Variants in RELN observed in about 807,000 individuals in gnomAD.
RELN encodes the protein reelin.
In RELN, 108 loss-of-function variants were observed where a neutral mutation model predicts 427.6. The observed-to-expected ratio is 0.25, with a 90% confidence interval of 0.22 to 0.30. The LOEUF (loss-of-function observed/expected upper bound fraction) is 0.30, where lower values mean the gene tolerates loss of function less well. Among genes scored for constraint, RELN ranks in the 10% least tolerant of loss-of-function variants. The pLI is 1.00. For missense variants in RELN, 3,715 were observed against 4,302.8 expected (o/e 0.86, Z 3.82); for synonymous variants, 1,524 against 1,513.4 (o/e 1.01, Z -0.16).
intron 20 of RELN, among the ~76,000 whole-genome samples, chr7:103,612,705 G>A (rs1242795741): frequency 1.3e-5 from 2 of 152,120 alleles, no homozygotes; most frequent in Admixed American, 1.3e-4. Flanking sequence ...TTTTCAAATG[G>A]CCTTTACTGA....
rs569925474 is a variant in RELN at position 103,883,759 on chromosome 7, A to C, written c.337+33316T>G. Among the ~76,000 whole-genome samples the C allele has an allele frequency of 1.1e-3, 161 of 152,326 alleles. 2 individuals are homozygous for C. In the Middle Eastern group the frequency reaches 0.017, roughly 16 times the overall value. ...AAGGACCTTTTCAAGGAGAACAATA[A>C]AACACTGCTCAAGGAATAAGAGAGG... On this transcript the variant is annotated intron_variant, in intron 2 of 64. Transcript: ENST00000428762.
At chr7:103,587,065 G>C (rs2711869) in intron 28 of RELN, among the ~76,000 whole-genome samples, 39,454 of 151,900 alleles carry the variant, frequency 0.26, 6,173 homozygotes, top group African/African-American at 0.43. Flanking sequence ...AAAGGAGTCT[G>C]AAGAGCCAAA....
intron 31 of RELN, among the ~76,000 whole-genome samples, chr7:103,570,723 G>A (rs925896850): frequency 2.6e-4 from 39 of 152,132 alleles, no homozygotes; most frequent in African/African-American, 7.2e-4. Flanking sequence ...CAGAATCTAC[G>A]CAGCAGCCAC....
At chr7:103,665,559 C>T (rs1014269769) in intron 11 of RELN, among the ~76,000 whole-genome samples, 4 of 151,934 alleles carry the variant, frequency 2.6e-5, no homozygotes, top group South Asian at 2.1e-4. Context: ...GACAAGAATC[C>T]GATGTCTCTT....
intron 3 of RELN, among the ~76,000 whole-genome samples, chr7:103,825,720 T>C (rs264369): frequency 0.5 from 75,305 of 151,920 alleles, 18,973 homozygotes; most frequent in Admixed American, 0.6. Flanking sequence ...AAAATAGTCA[T>C]TAGCCATATG....
At chr7:103,475,926 T>A (rs180939634) in intron 64 of RELN, among the ~76,000 whole-genome samples, 1 of 152,148 alleles carries the variant, frequency 6.6e-6, no homozygotes, top group Non-Finnish European at 1.5e-5. Flanking sequence ...ATATTTCTAA[T>A]TTTTTTGGTA....
chr7:103,785,887 A>C (rs1446930200), intron 3 of RELN, among the ~76,000 whole-genome samples: 1 of 152,080 alleles, frequency 6.6e-6, no homozygotes, highest in East Asian at 1.9e-4. Context: ...ATAGGATTTA[A>C]GATCAAAAGC....
intron 2 of RELN, among the ~76,000 whole-genome samples, chr7:103,848,085 G>A (rs150352050): frequency 1.3e-5 from 2 of 152,278 alleles, no homozygotes; most frequent in East Asian, 3.9e-4. Flanking sequence ...CAATCTGGAG[G>A]TACAGTTAAA....
intron 1 of RELN, among the ~76,000 whole-genome samples, chr7:103,948,928 T>C (rs1796273578): frequency 6.9e-6 from 1 of 145,928 alleles, no homozygotes; most frequent in South Asian, 2.1e-4. Context: ...GGTAGGAGGA[T>C]CAATTGAGCC....
chr7:103,561,776 G>T (rs144275944), intron 35 of RELN, 37 bp downstream of exon 35: 6 of 1,613,740 alleles, frequency 3.7e-6, no homozygotes, highest in South Asian at 1.1e-5. Context: ...TTATTTTTGC[G>T]TTACAAAGAA....
chr7:103,959,611 CTCTT>C (rs142788767), intron 1 of RELN, among the ~76,000 whole-genome samples: 16,334 of 152,144 alleles, frequency 0.11, 1,004 homozygotes, highest in East Asian at 0.2. Context: ...CTCTCTCTCT[CTCTT>C]TTTTTCTTTT....
chr7:103,497,947 T>C (rs1377833982), intron 54 of RELN, 21 bp from the exon 55 acceptor site: 6 of 1,609,828 alleles, frequency 3.7e-6, no homozygotes, highest in Non-Finnish European at 4.3e-6. Context: ...GCACATTTTA[T>C]CCATCAGAAT....
At chr7:103,741,366 C>T (rs1422730992) in intron 6 of RELN, among the ~76,000 whole-genome samples, 2 of 151,688 alleles carry the variant, frequency 1.3e-5, no homozygotes, top group African/African-American at 4.8e-5. Context: ...AATATATATT[C>T]CATAGATTTT....
At chr7:103,560,597 T>C (rs1164844517) in intron 36 of RELN, among the ~76,000 whole-genome samples, 2 of 152,216 alleles carry the variant, frequency 1.3e-5, no homozygotes, top group Non-Finnish European at 2.9e-5. Flanking sequence ...TGTGAGCTAA[T>C]GGTAATGAGA....
intron 12 of RELN, among the ~76,000 whole-genome samples, chr7:103,659,721 G>C (rs1036066308): frequency 2.6e-5 from 4 of 152,048 alleles, no homozygotes; most frequent in Admixed American, 6.6e-5. Flanking sequence ...TTGTGGGTGG[G>C]AACTCAGATT....
At chr7:103,719,193 C>A (rs1026254017) in intron 8 of RELN, among the ~76,000 whole-genome samples, 4 of 152,134 alleles carry the variant, frequency 2.6e-5, no homozygotes, top group African/African-American at 9.7e-5. Context: ...CAGATAGATG[C>A]AACTTTATCT....
At chr7:103,650,216 A>G in intron 16 of RELN, 58 bp downstream of exon 16, 1 of 1,048,642 alleles carries the variant, frequency 9.5e-7, no homozygotes, top group Non-Finnish European at 1.5e-6. Context: ...CTGACGAACA[A>G]AAGCACAGGA....
In RELN at chr7:103,826,401, C is replaced by A. The variant is rs978189942; in HGVS notation, c.473+7136G>T. Among the ~76,000 whole-genome samples, 4 of 148,436 alleles carry A rather than the reference C, an allele frequency of 2.7e-5. No homozygotes were observed. The East Asian group carries it at 6.0e-4, about 22-fold the overall frequency. ...ACATATCTAAATAGGTCACAGAGGG[C>A]AAAATAAGTTCTTTAAAAATTTTTA... On this transcript the variant is annotated intron_variant, in intron 3 of 64. Coordinates refer to ENST00000428762, the MANE Select transcript of RELN (RefSeq NM_005045.4).
intron 2 of RELN, among the ~76,000 whole-genome samples, chr7:103,848,767 T>C (rs1347710857): frequency 6.6e-6 from 1 of 152,152 alleles, no homozygotes; most frequent in Admixed American, 6.5e-5. Context: ...TACATGCCCA[T>C]TACAGAGGGC....
Sources: allele counts gnomAD v4.1 joint callset (sites outside exome capture counted in the v4.1 genomes callset), GRCh38; gene constraint gnomAD v4.1.1; transcripts MANE v1.5; gene names NCBI Gene and HGNC (gene_info 2026-07-23, HGNC 2026-07-21).